NFYA: variants seen among roughly 807,000 people sequenced by gnomAD.
NFYA encodes CAAT-box DNA binding protein subunit A.
A neutral mutation model predicts 52.8 loss-of-function variants in NFYA; 28 were observed. That is an observed-to-expected ratio of 0.53 (90% CI 0.39 to 0.73). The LOEUF is 0.73. Ranked by LOEUF, NFYA falls within the 30% of genes least tolerant of loss-of-function variation. The pLI is 0.00. For synonymous variants in NFYA, 150 were observed against 150.7 expected, an observed-to-expected ratio of 1.00 and a Z score of 0.03; for missense variants, 234 against 427.0, an observed-to-expected ratio of 0.55 and a Z score of 3.98.
At chr6:41,087,451 C>A (rs1303792259) in intron 4 of NFYA, among the ~76,000 whole-genome samples, 1 of 152,030 alleles carries the variant, frequency 6.6e-6, no homozygotes, top group African/African-American at 2.4e-5. Flanking sequence ...CCAAGGTGGT[C>A]CCAAGTTGAA....
chr6:41,099,530 G>C lies in NFYA; in HGVS notation c.*2120G>C, dbSNP rs1252814990. The C allele has an allele frequency of 1.3e-5, 2 of 152,160 alleles. No homozygotes were observed. Among genetic ancestry groups the C allele is most frequent in the Non-Finnish European group, 2.9e-5 (2 of 68,028 alleles). The allele number at this position is 152,160 out of a possible 1,614,324, so 9.4% of individuals were successfully genotyped here. Reference sequence around the variant, plus strand: ...TCAAATAGCTCATGACCCTTTTCTTGTGGTCACTTTGGCACACCATAGTAG... The same window carrying C: ...TCAAATAGCTCATGACCCTTTTCTTCTGGTCACTTTGGCACACCATAGTAG... On this transcript the variant is annotated 3_prime_UTR_variant, in exon 10 of 10. Transcript: ENST00000341376.
chr6:41,084,612 ATC>A (rs1763991830), intron 4 of NFYA, among the ~76,000 whole-genome samples: 1 of 152,254 alleles, frequency 6.6e-6, no homozygotes, highest in African/African-American at 2.4e-5. Context: ...AAACAGGTAA[ATC>A]CAGTTGAAAC....
At chr6:41,094,331 G>T in intron 8 of NFYA, 65 bp from the exon 9 acceptor site, 1 of 1,339,544 alleles carries the variant, frequency 7.5e-7, no homozygotes, top group Non-Finnish European at 1.1e-6. Flanking sequence ...TGGAATTTGT[G>T]CACTAGATAA....
At chr6:41,075,512 TTGTC>T (rs1165048076) in intron 1 of NFYA, 1 of 152,030 alleles carries the variant, frequency 6.6e-6, no homozygotes, top group Non-Finnish European at 1.5e-5. Context: ...AAGAATTTCT[TTGTC>T]TGACATTTTG....
intron 2 of NFYA, 131 bp from the exon 3 acceptor site, chr6:41,080,680 A>G: frequency 3.0e-6 from 2 of 663,866 alleles, no homozygotes; most frequent in Non-Finnish European, 5.3e-6. Context: ...CAGCTTCAAT[A>G]TAGGGAGTCT....
intron 8 of NFYA, 116 bp downstream of exon 8, chr6:41,093,201 C>T: frequency 1.2e-6 from 1 of 852,830 alleles, no homozygotes; most frequent in Non-Finnish European, 1.7e-6. Flanking sequence ...ACGTTAGATA[C>T]TTGTTGTCTC....
rs768925107 is a variant in NFYA at position 41,079,060 on chromosome 6, G to A, written c.-30G>A. 1 of 1,607,220 alleles carries A rather than the reference G, an allele frequency of 6.2e-7. No homozygotes were observed. Among genetic ancestry groups the A allele is most frequent in the Non-Finnish European group, 8.5e-7 (1 of 1,174,144 alleles). On this transcript the variant is annotated 5_prime_UTR_variant, in exon 2 of 10. Coordinates refer to ENST00000341376, the MANE Select transcript of NFYA (RefSeq NM_002505.5). ...ACCTCACAGCCTTCTAGGATCTCCA[G>A]AGTGGACAGGAATCTCACTTGGAGG...
chr6:41,092,786 C>A (rs568552651), intron 7 of NFYA, 126 bp from the exon 8 acceptor site: 1 of 879,434 alleles, frequency 1.1e-6, no homozygotes, highest in African/African-American at 1.7e-5. Context: ...TCCGCATTTA[C>A]CCAAGTACCC....
rs1401242407 is a variant in NFYA, at chr6:41,100,720, T to C, written c.*3310T>C. 1.3e-5 allele frequency among the ~76,000 whole-genome samples: 2 copies of C among 152,246 alleles called. No homozygotes were observed. Among genetic ancestry groups the C allele is most frequent in the Non-Finnish European group, 2.9e-5 (2 of 68,034 alleles). ...GTGGTATGAGGGAAAGACCTCTCGA[T>C]ATTTATCTCACACCAACGGCTTTAT... On this transcript the variant is annotated 3_prime_UTR_variant, in exon 10 of 10. Coordinates refer to ENST00000341376, the MANE Select transcript of NFYA (RefSeq NM_002505.5).
chr6:41,090,421 AC>A, intron 6 of NFYA, 112 bp downstream of exon 6: 16 of 587,932 alleles, frequency 2.7e-5, no homozygotes, highest in South Asian at 9.0e-5. Context: ...TATTTTTTGG[AC>A]AAAAAAAAAA....
Position 41,097,676 on chromosome 6 carries a change from A to C in NFYA, c.*266A>C, listed in dbSNP as rs1005229599. On this transcript the variant is annotated 3_prime_UTR_variant, in exon 10 of 10. Coordinates refer to ENST00000341376, the MANE Select transcript of NFYA (RefSeq NM_002505.5). ...TTTCATGGATTCGGATGATGCAAGGAGACACATGCCACCCCAGCAGTACAC... is the reference window on the plus strand; with the variant it reads ...TTTCATGGATTCGGATGATGCAAGGCGACACATGCCACCCCAGCAGTACAC... The C allele has an allele frequency of 1.0e-5, 4 of 390,506 alleles. No homozygotes were observed. The highest frequency in any genetic ancestry group is 8.4e-5 in the Admixed American group (2 of 23,902). 24.2% of individuals were successfully genotyped at this position (390,506 alleles called of 1,614,324 possible).
Position 41,101,408 on chromosome 6 carries a change from A to G in NFYA, c.*3998A>G, listed in dbSNP as rs1357192753. Among the ~76,000 whole-genome samples, 1 of 152,200 alleles carries G rather than the reference A, an allele frequency of 6.6e-6. No individual in the cohort carries two copies. Among genetic ancestry groups the G allele is most frequent in the African/African-American group, 2.4e-5 (1 of 41,456 alleles). On this transcript the variant is annotated 3_prime_UTR_variant, in exon 10 of 10. Coordinates refer to ENST00000341376, the MANE Select transcript of NFYA (RefSeq NM_002505.5). Reference sequence around the variant, plus strand: ...CTCAGTCCTTGAGCTCACCCCAAAGATGATGAAATTGAAACTCAGAGGAAA... The same window carrying G: ...CTCAGTCCTTGAGCTCACCCCAAAGGTGATGAAATTGAAACTCAGAGGAAA...
intron 1 of NFYA, chr6:41,075,752 G>A (rs1170529977): frequency 6.9e-6 from 1 of 145,510 alleles, no homozygotes; most frequent in Admixed American, 6.8e-5. Context: ...TTTAAGCCTT[G>A]TTGATTTATC....
intron 4 of NFYA, among the ~76,000 whole-genome samples, chr6:41,088,423 C>CAAAAAAAAAAAA (rs34590854): frequency 1.5e-5 from 1 of 64,712 alleles, no homozygotes; most frequent in African/African-American, 6.2e-5. Flanking sequence ...ACTCCGTCTC[C>CAAAAAAAAAAAA]AAAAAAAAAA....
chr6:41,095,284 CTCTAT>C (rs1266344454), intron 9 of NFYA, among the ~76,000 whole-genome samples: 1 of 152,196 alleles, frequency 6.6e-6, no homozygotes, highest in Non-Finnish European at 1.5e-5. Context: ...ACTTCTTGGT[CTCTAT>C]GCTGCTGTTT....
At position 41,097,578 on chromosome 6, in the gene NFYA, G is replaced by A; in HGVS notation, c.*168G>A. 2 of 631,830 alleles carry A rather than the reference G, an allele frequency of 3.2e-6. No homozygotes were observed. Among genetic ancestry groups the A allele is most frequent in the South Asian group, 2.0e-5 (1 of 49,784 alleles). The allele number at this position is 631,830 out of a possible 1,614,324, so 39.1% of individuals were successfully genotyped here. A position where few individuals can be genotyped will look rare whatever the true frequency, so the allele number is the denominator to read the frequency against. On this transcript the variant is annotated 3_prime_UTR_variant, in exon 10 of 10. Coordinates refer to ENST00000341376, the MANE Select transcript of NFYA (RefSeq NM_002505.5). ...AGTATTACAATTGCAGCGATGCCTG[G>A]CAAATTGAAGTTGCAAGCCTTTGTC...
Position 41,101,410 on chromosome 6 carries a change from G to A in NFYA, c.*4000G>A, listed in dbSNP as rs1016943813. Reference sequence around the variant, plus strand: ...CAGTCCTTGAGCTCACCCCAAAGATGATGAAATTGAAACTCAGAGGAAAGG... The same window carrying A: ...CAGTCCTTGAGCTCACCCCAAAGATAATGAAATTGAAACTCAGAGGAAAGG... On this transcript the variant is annotated 3_prime_UTR_variant, in exon 10 of 10. Coordinates refer to ENST00000341376, the MANE Select transcript of NFYA (RefSeq NM_002505.5). Among the ~76,000 whole-genome samples the A allele has an allele frequency of 2.0e-5, 3 of 152,198 alleles. No individual in the cohort carries two copies. Among genetic ancestry groups the A allele is most frequent in the Admixed American group, 2.0e-4 (3 of 15,290 alleles).
intron 9 of NFYA, 100 bp downstream of exon 9, chr6:41,094,597 C>A: frequency 1.2e-6 from 1 of 810,028 alleles, no homozygotes; most frequent in Non-Finnish European, 2.1e-6. Flanking sequence ...TACTCTGGGA[C>A]TACTCACATT....
At position 41,101,115 on chromosome 6, in the gene NFYA, C is replaced by T. The variant is rs1260561265; in HGVS notation, c.*3705C>T. ...TCCCGACCTACTGGTCTTTCGGAAG[C>T]CTCGGGGATGGGAACCCGAGCTCGC... On this transcript the variant is annotated 3_prime_UTR_variant, in exon 10 of 10. Coordinates refer to ENST00000341376, the MANE Select transcript of NFYA (RefSeq NM_002505.5). 3 of 152,260 alleles carry T rather than the reference C, an allele frequency of 2.0e-5. No individual in the cohort carries two copies. The highest frequency in any genetic ancestry group is 7.2e-5 in the African/African-American group (3 of 41,472). The allele number at this position is 152,260 out of a possible 1,614,324, so 9.4% of individuals were successfully genotyped here.
Sources: allele counts gnomAD v4.1 joint callset (sites outside exome capture counted in the v4.1 genomes callset), GRCh38; gene constraint gnomAD v4.1.1; transcripts MANE v1.5; gene names NCBI Gene and HGNC (gene_info 2026-07-23, HGNC 2026-07-21).